NHSL1: variants seen among roughly 807,000 people sequenced by gnomAD.
NHSL1 encodes the protein NHS-like protein 1.
NHSL1 carries 48 observed loss-of-function variants against 95.0 expected under a neutral mutation model. That is an observed-to-expected ratio of 0.51 (90% CI 0.40 to 0.64). NHSL1 has a LOEUF of 0.64. NHSL1 is among the 30% of genes least tolerant of loss of function. NHSL1 has a pLI of 0.00. For missense variants in NHSL1, 1,971 were observed against 2,077.7 expected, an observed-to-expected ratio of 0.95 and a Z score of 1.00; for synonymous variants, 783 against 833.9, an observed-to-expected ratio of 0.94 and a Z score of 1.05.
At chr6:138,464,319 C>A in intron 3 of NHSL1, 1 of 634,292 alleles carries the variant, frequency 1.6e-6, no homozygotes. Flanking sequence ...CTCAGCGCCA[C>A]ACTCCTGGAG....
intron 1 of NHSL1, among the ~76,000 whole-genome samples, chr6:138,530,423 T>C (rs1388358100): frequency 6.6e-6 from 1 of 152,216 alleles, no homozygotes; most frequent in Non-Finnish European, 1.5e-5. Context: ...ATACCACTAT[T>C]GGATATCTAC....
At chr6:138,486,231 T>C (rs778069393) in intron 2 of NHSL1, among the ~76,000 whole-genome samples, 1 of 152,166 alleles carries the variant, frequency 6.6e-6, no homozygotes, top group Non-Finnish European at 1.5e-5. Flanking sequence ...ATATCAGCTG[T>C]ACCGTGCCAC....
rs376732564 is a variant in NHSL1 at position 138,432,599 on chromosome 6, C to T, written c.1746G>A (p.Met582Ile). 1 of 1,551,760 alleles carries T rather than the reference C, an allele frequency of 6.4e-7. No individual in the cohort carries two copies. The change falls in exon 6 of 8, where the codon ATG becomes ATA. Residue 582 changes from methionine to isoleucine, a missense_variant. Physicochemically the swap from Met to Ile is conservative, Grantham distance 10 (BLOSUM62 1). Transcript: ENST00000343505. This position sits in a 1 kb window ranked among gnomAD's most constrained non-coding sequence, Gnocchi z 4.4. ...ACGTTTGGTCCAAACTGCAGCTGCT[C>T]ATGTTACTTGTGGGAGTGGAATAGC... is the stretch of plus-strand genomic sequence containing the variant. ...TPGYSTPTSN[M>I]SSCSLDQTSN...
chr6:138,689,220 C>T (rs1159403068), intron 1 of NHSL1, among the ~76,000 whole-genome samples: 1 of 152,224 alleles, frequency 6.6e-6, no homozygotes, highest in African/African-American at 2.4e-5. Context: ...AAAGACTCGG[C>T]CATCCTGGAC....
At chr6:138,499,089 T>C in intron 1 of NHSL1, 144 bp downstream of exon 1, 1 of 610,594 alleles carries the variant, frequency 1.6e-6, no homozygotes, top group Non-Finnish European at 2.9e-6. Context: ...TTTCACACTC[T>C]AATTTCTTCA....
chr6:138,639,787 G>A (rs1176069496), intron 1 of NHSL1, among the ~76,000 whole-genome samples: 1 of 100,772 alleles, frequency 9.9e-6, no homozygotes, highest in Non-Finnish European at 1.8e-5. Flanking sequence ...GACAGAGTGA[G>A]ACTCAGTCTC....
intron 1 of NHSL1, among the ~76,000 whole-genome samples, chr6:138,532,574 T>C (rs1308849760): frequency 6.6e-6 from 1 of 152,148 alleles, no homozygotes; most frequent in East Asian, 1.9e-4. Flanking sequence ...AGAGGGTTCC[T>C]AGTTTCTGGC....
chr6:138,547,998 C>A (rs4895533), upstream of NHSL1, among the ~76,000 whole-genome samples: 63,707 of 151,996 alleles, frequency 0.42, 15,046 homozygotes, highest in African/African-American at 0.64. Flanking sequence ...GACTTTTGAA[C>A]ACAGGCTAAT....
Position 138,651,276 on chromosome 6 carries a change from C to G in NHSL1, c.96+41200G>C, listed in dbSNP as rs183045630. Among the ~76,000 whole-genome samples, 5 of 152,210 alleles carry G rather than the reference C, an allele frequency of 3.3e-5. No individual in the cohort carries two copies. The East Asian group carries it at 9.7e-4, about 29-fold the overall frequency. Reference sequence around the variant, plus strand: ...TAGGAAAAGCAAAAACGTTAAGGAACACAAAGAATTCTATTCAAAGAAACT... The same window carrying G: ...TAGGAAAAGCAAAAACGTTAAGGAAGACAAAGAATTCTATTCAAAGAAACT... On this transcript the variant is annotated intron_variant, in intron 1 of 3. Coordinates refer to the NHSL1 transcript ENST00000491526.
rs773705865 is a variant in NHSL1, at chr6:138,433,628, A to G, written c.717T>C (p.Asp239=). The G allele has an allele frequency of 1.6e-5, 25 of 1,552,024 alleles. No individual in the cohort carries two copies. In the South Asian group the frequency reaches 3.0e-4, roughly 18 times the overall value. ...DADGHSVYTP[D]HYSTLGRFNS... is the part of the protein sequence containing the mutation. ...TGAACCTTCCTAGTGTAGAGTAGTG[A>G]TCAGGGGTGTACACTGAGTGGCCAT... is the stretch of plus-strand genomic sequence containing the variant. The change falls in exon 6 of 8, where the codon GAT becomes GAC. Residue 239 remains aspartate (D), a synonymous_variant. Transcript: ENST00000343505.
chr6:138,432,534 T>C lies in NHSL1; in HGVS notation c.1811A>G (p.His604Arg). ...EDAGSLYSED[H>R]DGYCASVHTD... Reference sequence around the variant, plus strand: ...GTGCACAGATGCACAGTAGCCATCGTGGTCCTCAGAATACAGCGACCCAGC... The same window carrying C: ...GTGCACAGATGCACAGTAGCCATCGCGGTCCTCAGAATACAGCGACCCAGC... The change falls in exon 6 of 8, where the codon CAC (histidine) becomes CGC (arginine). Residue 604 changes from histidine (H) to arginine (R), a missense_variant. By Grantham distance (29) the His-to-Arg change is conservative (BLOSUM62 0). Transcript: ENST00000343505. This position sits in a 1 kb window ranked among gnomAD's most constrained non-coding sequence, Gnocchi z 4.4. The C allele has an allele frequency of 6.4e-7, 1 of 1,552,194 alleles. No homozygotes were observed.
At chr6:138,540,801 G>A (rs1218902598) in intron 1 of NHSL1, among the ~76,000 whole-genome samples, 1 of 152,062 alleles carries the variant, frequency 6.6e-6, no homozygotes, top group Non-Finnish European at 1.5e-5. Context: ...TATCGTTCGG[G>A]GCATGCAGGC....
chr6:138,499,573 A>G (rs1388329118), upstream of NHSL1: 3 of 417,526 alleles, frequency 7.2e-6, no homozygotes, highest in African/African-American at 6.1e-5. Context: ...GAGAAAGCCA[A>G]TCACGGTTCT....
chr6:138,464,198 A>G, intron 3 of NHSL1: 1 of 722,194 alleles, frequency 1.4e-6, no homozygotes, highest in Non-Finnish European at 2.3e-6. Context: ...GGGCAGCCTG[A>G]CAGAGGCTGA....
chr6:138,437,089 T>A (rs112861189), intron 5 of NHSL1, among the ~76,000 whole-genome samples: 1,962 of 151,732 alleles, frequency 0.013, 38 homozygotes, highest in African/African-American at 0.045. Context: ...CTGAACAACA[T>A]AAAGAAACCC....
intron 1 of NHSL1, among the ~76,000 whole-genome samples, chr6:138,568,506 T>G (rs888773009): frequency 6.6e-6 from 1 of 152,218 alleles, no homozygotes; most frequent in Admixed American, 6.5e-5. Context: ...AGTCAAAACA[T>G]CATCTACTAC....
At chr6:138,488,277 C>CAAAA (rs72245938) in intron 2 of NHSL1, among the ~76,000 whole-genome samples, 1 of 143,434 alleles carries the variant, frequency 7.0e-6, no homozygotes, top group Non-Finnish European at 1.5e-5. Flanking sequence ...GACTCTGTCT[C>CAAAA]AAAAAAAAAA....
intron 1 of NHSL1, among the ~76,000 whole-genome samples, chr6:138,602,792 A>G (rs1250322087): frequency 2.0e-5 from 3 of 152,330 alleles, no homozygotes; most frequent in South Asian, 2.1e-4. Context: ...TGAATATAGC[A>G]TGCCTTTTGT....
At chr6:138,563,302 A>G (rs1435554737) in intron 1 of NHSL1, among the ~76,000 whole-genome samples, 2 of 152,226 alleles carry the variant, frequency 1.3e-5, no homozygotes, top group Non-Finnish European at 2.9e-5. Flanking sequence ...GGATAGGTCG[A>G]CTGATTCAGA....
Sources: gnomAD v4.1 joint callset for allele counts (sites outside exome capture counted in the v4.1 genomes callset) on GRCh38, gnomAD v4.1.1 for gene constraint, Gnocchi (gnomAD v3.1) non-coding constraint, MANE v1.5 for transcripts, NCBI Gene and HGNC (gene_info 2026-07-23, HGNC 2026-07-21) for gene names.